CNTN4: variants seen among roughly 807,000 people sequenced by gnomAD.
CNTN4 encodes contactin-4.
In CNTN4, 77 loss-of-function variants were observed where a neutral mutation model predicts 122.5. The observed-to-expected ratio is 0.63, with a 90% CI of 0.52 to 0.76. The LOEUF is 0.76. Among genes scored for constraint, CNTN4 ranks in the 30% least tolerant of loss-of-function variants. CNTN4 has a pLI of 0.00. For synonymous variants in CNTN4, 512 were observed against 447.0 expected, an observed-to-expected ratio of 1.15 and a Z score of -1.83; for missense variants, 1,256 against 1,259.1, an observed-to-expected ratio of 1.00 and a Z score of 0.04.
intron 2 of CNTN4, among the ~76,000 whole-genome samples, chr3:2,163,162 C>A (rs966999179): frequency 2.0e-5 from 3 of 152,120 alleles, no homozygotes; most frequent in African/African-American, 4.8e-5. Context: ...GCCAAGTAAA[C>A]CAGTGGAACA....
chr3:2,641,567 GTCAACTGCT>G (rs2082896403), intron 4 of CNTN4, among the ~76,000 whole-genome samples: 1 of 152,054 alleles, frequency 6.6e-6, no homozygotes, highest in Non-Finnish European at 1.5e-5. Context: ...CTGTCTTATT[GTCAACTGCT>G]TCACATGGTC....
intron 7 of CNTN4, among the ~76,000 whole-genome samples, chr3:2,849,986 C>T (rs924658006): frequency 3.6e-5 from 5 of 140,698 alleles, no homozygotes; most frequent in South Asian, 2.3e-4. Flanking sequence ...TTAGCAATCA[C>T]TTTTTTTTCT....
At chr3:2,881,919 C>G (rs1325434411) in intron 8 of CNTN4, among the ~76,000 whole-genome samples, 1 of 152,192 alleles carries the variant, frequency 6.6e-6, no homozygotes, top group Non-Finnish European at 1.5e-5. Context: ...ATGGAGAGCC[C>G]TATCTTTTTA....
At chr3:2,360,866 A>G (rs2045105537) in intron 3 of CNTN4, among the ~76,000 whole-genome samples, 2 of 152,214 alleles carry the variant, frequency 1.3e-5, no homozygotes, top group African/African-American at 4.8e-5. Context: ...AGGTGGGGAC[A>G]CAAATCCTTA....
At chr3:2,143,305 C>G (rs1169911776) in intron 2 of CNTN4, among the ~76,000 whole-genome samples, 5 of 152,144 alleles carry the variant, frequency 3.3e-5, no homozygotes, top group Non-Finnish European at 5.9e-5. Context: ...ATTCTGGTGG[C>G]TAATGAAGTT....
chr3:2,758,709 G>A (rs1180714917), intron 6 of CNTN4, among the ~76,000 whole-genome samples: 1 of 151,926 alleles, frequency 6.6e-6, no homozygotes, highest in Non-Finnish European at 1.5e-5. Context: ...GTTTCACCGT[G>A]TTGGCCTGGC....
At chr3:2,230,987 C>A (rs1273302798) in intron 2 of CNTN4, among the ~76,000 whole-genome samples, 1 of 150,876 alleles carries the variant, frequency 6.6e-6, no homozygotes, top group South Asian at 2.1e-4. Flanking sequence ...GACTCTGTTT[C>A]AAAAAAACAA....
chr3:2,630,532 A>G (rs2082383710), intron 4 of CNTN4, among the ~76,000 whole-genome samples: 1 of 152,180 alleles, frequency 6.6e-6, no homozygotes, highest in African/African-American at 2.4e-5. Flanking sequence ...CTATTGCTTT[A>G]CGTTACCTAT....
chr3:2,966,954 A>T lies in CNTN4; in HGVS notation c.1359-21391A>T, dbSNP rs191694367. ...AGTTCAGCCATATTGTAACTGCTCA[A>T]TGGGTTCACCCTGCCTGCTGCCTAG... On this transcript the variant is annotated intron_variant, in intron 13 of 24. Transcript: ENST00000418658. Among the ~76,000 whole-genome samples the T allele has an allele frequency of 9.8e-5, 15 of 152,338 alleles. No homozygotes were observed. The East Asian group carries it at 2.9e-3, about 29-fold the overall frequency.
Position 2,488,165 on chromosome 3 carries a change from T to TA in CNTN4, c.-88-83250dup, listed in dbSNP as rs372849714. Among the ~76,000 whole-genome samples the TA allele has an allele frequency of 3.4e-3, 521 of 152,374 alleles. 2 individuals are homozygous for TA. The highest frequency in any genetic ancestry group is 0.012 in the African/African-American group (490 of 41,586). ...TCCTTCAAATACAACTACTGGTAAT[T>TA]ATCTAAGATGTTTAGATGCAGAGGT... On this transcript the variant is annotated intron_variant, in intron 3 of 24. Coordinates refer to ENST00000418658, the MANE Select transcript of CNTN4 (RefSeq NM_175607.3).
At chr3:2,843,130 T>C (rs1322978977) in intron 7 of CNTN4, among the ~76,000 whole-genome samples, 1 of 152,218 alleles carries the variant, frequency 6.6e-6, no homozygotes, top group East Asian at 1.9e-4. Flanking sequence ...GTAATATGAC[T>C]AAACCTGAGC....
intron 3 of CNTN4, among the ~76,000 whole-genome samples, chr3:2,424,986 G>A (rs544027861): frequency 1.6e-4 from 25 of 152,246 alleles, no homozygotes; most frequent in South Asian, 6.2e-4. Context: ...TGTCAGATGG[G>A]TAGATTGCAA....
intron 4 of CNTN4, among the ~76,000 whole-genome samples, chr3:2,607,589 C>T (rs1011591268): frequency 4.8e-5 from 5 of 104,372 alleles, no homozygotes; most frequent in Middle Eastern, 4.8e-3. Flanking sequence ...CAAAATAATA[C>T]GTGTGTATAT....
At position 2,383,737 on chromosome 3, in the gene CNTN4, C is replaced by T. The variant is rs913783987; in HGVS notation, c.-89+44504C>T. 2.0e-5 allele frequency among the ~76,000 whole-genome samples: 3 copies of T among 148,988 alleles called. No individual in the cohort carries two copies. In the East Asian group the frequency reaches 6.0e-4, roughly 30 times the overall value. On this transcript the variant is annotated intron_variant, in intron 3 of 24. Transcript: ENST00000418658. ...TCTCCTTCTTCTGTCTCTCCCTCTT[C>T]TCTCTTCTCCCTCTCCTCTCTTCTC... is the stretch of plus-strand genomic sequence containing the variant.
At chr3:2,802,326 ACT>A (rs1443292895) in intron 6 of CNTN4, among the ~76,000 whole-genome samples, 1 of 152,096 alleles carries the variant, frequency 6.6e-6, no homozygotes, top group East Asian at 1.9e-4. Flanking sequence ...ACAAAGTGAC[ACT>A]CTGCCTTCTC....
chr3:2,400,867 ATATAAG>A (rs2150965405), intron 3 of CNTN4, among the ~76,000 whole-genome samples: 1 of 151,640 alleles, frequency 6.6e-6, no homozygotes, highest in African/African-American at 2.4e-5. Context: ...ATATTACTAT[ATATAAG>A]TATATTATTC....
intron 3 of CNTN4, among the ~76,000 whole-genome samples, chr3:2,432,802 G>T (rs1575617682): frequency 7.2e-6 from 1 of 139,222 alleles, no homozygotes; most frequent in South Asian, 2.3e-4. Flanking sequence ...GATATGTCTG[G>T]CACACTAACT....
At chr3:2,796,151 A>C (rs1035082582) in intron 6 of CNTN4, among the ~76,000 whole-genome samples, 7 of 152,152 alleles carry the variant, frequency 4.6e-5, no homozygotes, top group African/African-American at 1.7e-4. Context: ...AATTAGGTTA[A>C]ATACTTGGTT....
Position 2,307,276 on chromosome 3 carries a change from A to C in CNTN4, c.-144-31902A>C, listed in dbSNP as rs529825182. On this transcript the variant is annotated intron_variant, in intron 2 of 24. Transcript: ENST00000418658. ...CGGTGAAACCCCGTCTCTACTAAAAATACAAAAATGTAGCCGGGCGTGGTG... is the reference window on the plus strand; with the variant it reads ...CGGTGAAACCCCGTCTCTACTAAAACTACAAAAATGTAGCCGGGCGTGGTG... 5.8e-4 allele frequency among the ~76,000 whole-genome samples: 89 copies of C among 152,260 alleles called. 1 individual carries two copies. Among genetic ancestry groups the C allele is most frequent in the African/African-American group, 2.0e-3 (85 of 41,554 alleles).
Sources: allele counts gnomAD v4.1 joint callset (sites outside exome capture counted in the v4.1 genomes callset), GRCh38; gene constraint gnomAD v4.1.1; transcripts MANE v1.5; gene names NCBI Gene and HGNC (gene_info 2026-07-23, HGNC 2026-07-21).